INPP4B: variants seen among roughly 807,000 people sequenced by gnomAD.
INPP4B encodes inositol polyphosphate 4-phosphatase type II.
A neutral mutation model predicts 122.5 loss-of-function variants in INPP4B; 55 were observed. The ratio of observed to expected loss-of-function variants is 0.45; its 90% CI spans 0.36 to 0.56. The LOEUF is 0.56. Among genes scored for constraint, INPP4B ranks in the 20% least tolerant of loss-of-function variants. The pLI, the probability that INPP4B is intolerant of heterozygous loss-of-function variation, is 0.00. For synonymous variants in INPP4B, 403 were observed against 388.7 expected, an observed-to-expected ratio of 1.04 and a Z score of -0.43; for missense variants, 1,000 against 1,097.7, an observed-to-expected ratio of 0.91 and a Z score of 1.26.
intron 2 of INPP4B, among the ~76,000 whole-genome samples, chr4:142,684,179 T>A (rs980878156): frequency 1.3e-5 from 2 of 152,022 alleles, no homozygotes; most frequent in African/African-American, 2.4e-5. Context: ...TGTTTGCAAG[T>A]GGGAGAGTTG....
chr4:142,544,261 A>G (rs1318746763), intron 2 of INPP4B, among the ~76,000 whole-genome samples: 1 of 152,032 alleles, frequency 6.6e-6, no homozygotes, highest in Non-Finnish European at 1.5e-5. Context: ...CTATTGTGTT[A>G]GAATCAATCT....
Position 142,484,672 on chromosome 4 carries a change from G to A in INPP4B, c.-190-21946C>T, listed in dbSNP as rs543181708. On this transcript the variant is annotated intron_variant, in intron 2 of 25. Coordinates refer to ENST00000262992, the MANE Select transcript of INPP4B (RefSeq NM_001101669.3). ...ATGTTTGTTACATAGGTAAACGTGT[G>A]TCATGGGAGTTTGTTGTACAGATTA... is the stretch of plus-strand genomic sequence containing the variant. Among the ~76,000 whole-genome samples, 8 of 152,194 alleles carry A rather than the reference G, an allele frequency of 5.3e-5. No individual in the cohort carries two copies. The East Asian group carries it at 9.7e-4, about 18-fold the overall frequency.
chr4:142,398,398 AAAAATATAT>A (rs1800238442), intron 7 of INPP4B, among the ~76,000 whole-genome samples: 1 of 18,216 alleles, frequency 5.5e-5, no homozygotes, highest in African/African-American at 1.8e-4. Context: ...AAAAAAAAAA[AAAAATATAT>A]ATATATATAT....
intron 25 of INPP4B, among the ~76,000 whole-genome samples, chr4:142,073,313 G>A (rs1164652051): frequency 1.3e-5 from 2 of 152,062 alleles, no homozygotes; most frequent in Non-Finnish European, 2.9e-5. Context: ...AATATATTAT[G>A]CCTAGCATTT....
At chr4:142,754,524 T>C (rs1163328668) in intron 1 of INPP4B, among the ~76,000 whole-genome samples, 4 of 152,034 alleles carry the variant, frequency 2.6e-5, no homozygotes, top group Non-Finnish European at 4.4e-5. Flanking sequence ...CTTTAAAAAT[T>C]CTTGGAGTAG....
At chr4:142,494,178 C>T (rs1822231273) in intron 2 of INPP4B, among the ~76,000 whole-genome samples, 1 of 152,108 alleles carries the variant, frequency 6.6e-6, no homozygotes. Flanking sequence ...AATTAAACTT[C>T]TTTCATTTAT....
At chr4:142,842,876 A>ATATATATGATTATTATATATT (rs1783722611) in intron 1 of INPP4B, among the ~76,000 whole-genome samples, 1 of 138,832 alleles carries the variant, frequency 7.2e-6, no homozygotes, top group Non-Finnish European at 1.5e-5. Context: ...ATATATATAA[A>ATATATATGATTATTATATATT]TATATATGAT....
chr4:142,350,162 C>T (rs761959755), intron 7 of INPP4B, among the ~76,000 whole-genome samples: 3 of 151,980 alleles, frequency 2.0e-5, no homozygotes, highest in African/African-American at 7.2e-5. Context: ...TAAGAACAGT[C>T]TGCACTATTA....
At chr4:142,352,491 A>G (rs1189563833) in intron 7 of INPP4B, among the ~76,000 whole-genome samples, 1 of 151,314 alleles carries the variant, frequency 6.6e-6, no homozygotes, top group Non-Finnish European at 1.5e-5. Flanking sequence ...ATTAATATAT[A>G]TCATATATAT....
chr4:142,460,486 C>T (rs552451536), intron 3 of INPP4B, among the ~76,000 whole-genome samples: 1 of 152,274 alleles, frequency 6.6e-6, no homozygotes, highest in East Asian at 1.9e-4. Flanking sequence ...TGATGTTTTT[C>T]TTCCTACATT....
intron 2 of INPP4B, among the ~76,000 whole-genome samples, chr4:142,611,524 A>G (rs1279887091): frequency 6.6e-6 from 1 of 151,962 alleles, no homozygotes; most frequent in African/African-American, 2.4e-5. Context: ...ACATTAAAAT[A>G]CATATATCTT....
chr4:142,268,341 A>AAAAAAAAAAAAAAAAAAAAG, intron 10 of INPP4B, among the ~76,000 whole-genome samples: 1 of 143,774 alleles, frequency 7.0e-6, no homozygotes, highest in Non-Finnish European at 1.5e-5. Flanking sequence ...AAAAAAAAAA[A>AAAAAAAAAAAAAAAAAAAAG]AAAAATGAGG....
At chr4:142,806,451 A>G (rs948565148) in intron 1 of INPP4B, among the ~76,000 whole-genome samples, 10 of 151,842 alleles carry the variant, frequency 6.6e-5, no homozygotes, top group African/African-American at 2.4e-4. Flanking sequence ...GTCTTAAGAA[A>G]CAAATTCAGC....
intron 1 of INPP4B, among the ~76,000 whole-genome samples, chr4:142,786,344 G>A (rs572107659): frequency 4.6e-5 from 7 of 152,214 alleles, no homozygotes; most frequent in African/African-American, 1.7e-4. Flanking sequence ...TTTGGCCAAA[G>A]CTGGAACAAT....
intron 7 of INPP4B, among the ~76,000 whole-genome samples, chr4:142,390,100 A>G (rs1335283223): frequency 6.6e-5 from 10 of 152,170 alleles, no homozygotes; most frequent in African/African-American, 2.4e-4. Flanking sequence ...ATTATAAAGA[A>G]TTATAAAATG....
intron 9 of INPP4B, among the ~76,000 whole-genome samples, chr4:142,298,172 G>A (rs1759648526): frequency 6.6e-6 from 1 of 152,182 alleles, no homozygotes; most frequent in South Asian, 2.1e-4. Context: ...GCTTTCAAAT[G>A]TGGTTATAGA....
At chr4:142,622,010 T>C (rs750216632) in intron 2 of INPP4B, among the ~76,000 whole-genome samples, 49 of 151,956 alleles carry the variant, frequency 3.2e-4, no homozygotes, top group Non-Finnish European at 5.6e-4. Context: ...AAATTGAAAA[T>C]TGAGATCTGG....
chr4:142,357,612 TTATC>T (rs1424972896), intron 7 of INPP4B, among the ~76,000 whole-genome samples: 1 of 151,990 alleles, frequency 6.6e-6, no homozygotes, highest in Non-Finnish European at 1.5e-5. Flanking sequence ...GGCCTCATCT[TTATC>T]TAGGAAAGTC....
chr4:142,785,644 A>G (rs1238655655), intron 1 of INPP4B, among the ~76,000 whole-genome samples: 1 of 152,080 alleles, frequency 6.6e-6, no homozygotes, highest in Non-Finnish European at 1.5e-5. Context: ...GTCAAGAGAA[A>G]AAAGAACAGA....
Sources: gnomAD v4.1 joint callset for allele counts (sites outside exome capture counted in the v4.1 genomes callset) on GRCh38, gnomAD v4.1.1 for gene constraint, MANE v1.5 for transcripts, NCBI Gene and HGNC (gene_info 2026-07-23, HGNC 2026-07-21) for gene names.